NT5C2: variants seen among roughly 807,000 people sequenced by gnomAD.
NT5C2 encodes the protein 5'-nucleotidase, cytosolic II.
A neutral mutation model predicts 76.1 loss-of-function variants in NT5C2; 58 were observed. That is an observed-to-expected ratio of 0.76 (90% CI 0.62 to 0.95). NT5C2 has a LOEUF of 0.95. NT5C2 is among the 40% of genes least tolerant of loss of function. The pLI, the probability that NT5C2 is intolerant of heterozygous loss-of-function variation, is 0.00. For synonymous variants in NT5C2, 229 were observed against 237.4 expected (o/e 0.96, Z 0.32); for missense variants, 478 against 690.3 (o/e 0.69, Z 3.45).
chr10:103,133,200 A>ATGCCTTT (rs2078556074), intron 4 of NT5C2, among the ~76,000 whole-genome samples: 2 of 152,250 alleles, frequency 1.3e-5, no homozygotes, highest in Admixed American at 1.3e-4. Flanking sequence ...CATATGAGAC[A>ATGCCTTT]TGCCTTTTGC....
intron 4 of NT5C2, among the ~76,000 whole-genome samples, chr10:103,137,924 TTTTG>T (rs1173730661): frequency 3.3e-5 from 5 of 152,160 alleles, no homozygotes; most frequent in Non-Finnish European, 5.9e-5. Context: ...GGCTCTAGTT[TTTTG>T]TTTGGTTGGT....
intron 6 of NT5C2, among the ~76,000 whole-genome samples, chr10:103,101,559 T>C (rs936843819): frequency 5.3e-5 from 8 of 151,394 alleles, no homozygotes; most frequent in African/African-American, 1.9e-4. Flanking sequence ...AAGTCCAGGC[T>C]GGACTCAAAC....
chr10:103,132,340 G>A (rs565374008), intron 4 of NT5C2, among the ~76,000 whole-genome samples: 6 of 152,000 alleles, frequency 3.9e-5, no homozygotes, highest in Admixed American at 6.6e-5. Flanking sequence ...TGCAATATGC[G>A]ATTCGGGACT....
intron 4 of NT5C2, among the ~76,000 whole-genome samples, chr10:103,132,551 C>CT (rs556207649): frequency 5.1e-4 from 75 of 148,500 alleles, no homozygotes; most frequent in Middle Eastern, 3.4e-3. Flanking sequence ...AAAGTAATTT[C>CT]TTTTTTTTTT....
chr10:103,174,738 T>G lies in NT5C2; in HGVS notation c.101+120A>C, dbSNP rs982088224. 6 of 712,028 alleles carry G rather than the reference T, an allele frequency of 8.4e-6. No homozygotes were observed. The African/African-American group carries it at 8.7e-5, about 10-fold the overall frequency. 44.1% of individuals were successfully genotyped at this position (712,028 alleles called of 1,614,324 possible). A position where few individuals can be genotyped will look rare whatever the true frequency, so the allele number is the denominator to read the frequency against. On this transcript the variant is annotated intron_variant, in intron 3 of 18. Coordinates refer to ENST00000404739, the MANE Select transcript of NT5C2 (RefSeq NM_001351169.2). ...TCGACTTAGAACTAGATTTGTACCA[T>G]GTACTAGACATACGATCTGGGTTAT...
chr10:103,109,070 G>A (rs1310208511), intron 4 of NT5C2, among the ~76,000 whole-genome samples: 4 of 151,942 alleles, frequency 2.6e-5, no homozygotes, highest in East Asian at 1.9e-4. Context: ...GGCTGGTCTC[G>A]AACTCCTGAC....
intron 2 of NT5C2, among the ~76,000 whole-genome samples, chr10:103,176,536 T>C (rs993918418): frequency 3.9e-5 from 6 of 152,210 alleles, no homozygotes; most frequent in Non-Finnish European, 8.8e-5. Flanking sequence ...CTGCTGGCAC[T>C]TGGGCTGAAA....
At position 103,089,466 on chromosome 10, in the gene NT5C2, T is replaced by C; in HGVS notation, c.*206A>G. 1 of 794,042 alleles carries C rather than the reference T, an allele frequency of 1.3e-6. No homozygotes were observed. The highest frequency in any genetic ancestry group is 1.8e-6 in the Non-Finnish European group (1 of 553,906). The allele number at this position is 794,042 out of a possible 1,614,324, so 49.2% of individuals were successfully genotyped here. On this transcript the variant is annotated 3_prime_UTR_variant, in exon 19 of 19. Coordinates refer to ENST00000404739, the MANE Select transcript of NT5C2 (RefSeq NM_001351169.2). ...TTATTTTCTTCTAATACAGACTCCA[T>C]TACAATTTTGGACCATCTGCAGAGA...
chr10:103,116,923 G>C (rs12265545), intron 4 of NT5C2, among the ~76,000 whole-genome samples: 1 of 152,066 alleles, frequency 6.6e-6, no homozygotes, highest in Non-Finnish European at 1.5e-5. Context: ...GCCTTAATGA[G>C]AAAACCTGTT....
chr10:103,116,757 T>A (rs1301458713), intron 4 of NT5C2, among the ~76,000 whole-genome samples: 3 of 150,904 alleles, frequency 2.0e-5, no homozygotes, highest in Non-Finnish European at 3.0e-5. Context: ...TTTTTTTTTT[T>A]AAAGATGGGG....
intron 4 of NT5C2, among the ~76,000 whole-genome samples, chr10:103,120,307 T>C (rs2075397244): frequency 1.3e-5 from 2 of 152,028 alleles, no homozygotes; most frequent in African/African-American, 2.4e-5. Context: ...AATTAAAAAC[T>C]TTTGTGCCTC....
At chr10:103,092,405 G>A (rs1044918810) in intron 15 of NT5C2, among the ~76,000 whole-genome samples, 2 of 152,278 alleles carry the variant, frequency 1.3e-5, no homozygotes, top group African/African-American at 4.8e-5. Context: ...TCAGCTTTAG[G>A]AGGTAGGTAT....
intron 4 of NT5C2, among the ~76,000 whole-genome samples, chr10:103,126,417 T>C (rs891826469): frequency 6.6e-6 from 1 of 152,072 alleles, no homozygotes; most frequent in Non-Finnish European, 1.5e-5. Context: ...AGGTCAGGAG[T>C]TCGAGACCAG....
chr10:103,121,669 C>G (rs2075692892), intron 4 of NT5C2, among the ~76,000 whole-genome samples: 1 of 152,178 alleles, frequency 6.6e-6, no homozygotes, highest in Admixed American at 6.5e-5. Flanking sequence ...CTCTTAATTT[C>G]TTCCCCGGTA....
intron 6 of NT5C2, among the ~76,000 whole-genome samples, chr10:103,104,870 T>A (rs2070788170): frequency 6.6e-6 from 1 of 152,202 alleles, no homozygotes; most frequent in Non-Finnish European, 1.5e-5. Context: ...GAATGAATAG[T>A]AAATGGAAAA....
chr10:103,098,759 C>A, intron 10 of NT5C2, 172 bp downstream of exon 10: 1 of 542,488 alleles, frequency 1.8e-6, no homozygotes, highest in Non-Finnish European at 3.3e-6. Context: ...ACAGGAAAAA[C>A]TCTACTAAGA....
At chr10:103,129,108 C>T (rs1276422034) in intron 4 of NT5C2, among the ~76,000 whole-genome samples, 2 of 127,898 alleles carry the variant, frequency 1.6e-5, no homozygotes, top group African/African-American at 5.9e-5. Flanking sequence ...CCAGCCGTGC[C>T]GTCCGGGAGG....
intron 4 of NT5C2, among the ~76,000 whole-genome samples, chr10:103,124,378 C>G (rs1387228741): frequency 1.3e-5 from 2 of 152,170 alleles, no homozygotes; most frequent in African/African-American, 2.4e-5. Flanking sequence ...ATTTGCAATA[C>G]TTAAACACAC....
intron 16 of NT5C2, 35 bp from the exon 17 acceptor site, chr10:103,091,031 G>A: frequency 6.3e-7 from 1 of 1,580,182 alleles, no homozygotes; most frequent in Non-Finnish European, 8.7e-7. Context: ...GAAAATCTCT[G>A]GGAAGAGCTT....
Sources: gnomAD v4.1 joint callset for allele counts (sites outside exome capture counted in the v4.1 genomes callset) on GRCh38, gnomAD v4.1.1 for gene constraint, MANE v1.5 for transcripts, NCBI Gene and HGNC (gene_info 2026-07-23, HGNC 2026-07-21) for gene names.